The following AURKB variants were observed in gnomAD, a reference collection of about 807,000 sequenced individuals.
The protein encoded by AURKB is aurora kinase B.
Under a neutral mutation model 36.5 loss-of-function variants are expected in AURKB, and 28 were observed. The observed-to-expected ratio is 0.77, with a 90% confidence interval of 0.57 to 1.05. The LOEUF (loss-of-function observed/expected upper bound fraction) is 1.05. Ranked by LOEUF, AURKB falls within the 50% of genes least tolerant of loss-of-function variation. The probability of loss-of-function intolerance (pLI) is 0.00; values close to 1 mark genes in which losing one functional copy is unlikely to be tolerated. For missense variants in AURKB, 383 were observed against 447.4 expected (o/e 0.86, Z 1.30); for synonymous variants, 175 against 172.9 (o/e 1.01, Z -0.09).
intron 2 of AURKB, among the ~76,000 whole-genome samples, chr17:8,208,407 A>G (rs1985654993): frequency 6.7e-6 from 1 of 150,272 alleles, no homozygotes; most frequent in East Asian, 1.9e-4. Flanking sequence ...CCTGGGCAAC[A>G]GAGCTAGACT....
rs764673583 is a variant in AURKB at position 8,205,411 on chromosome 17, G to C, written c.687-21C>G. On this transcript the variant is annotated intron_variant, in intron 7 of 8. Transcript: ENST00000585124. ...TCCTCCTGGGAGGGATAAGGGGCGT[G>C]GGCAGGGGTCCTAGTGACATAGGAA... 2.1e-5 allele frequency: 34 copies of C among 1,612,048 alleles called. No homozygotes were observed. The African/African-American group carries it at 4.3e-4, about 20-fold the overall frequency.
At position 8,210,243 on chromosome 17, in the gene AURKB, A is replaced by G. The variant is rs45524038; in HGVS notation, c.-19T>C. 1 of 1,590,258 alleles carries G rather than the reference A, an allele frequency of 6.3e-7. No individual in the cohort carries two copies. Among genetic ancestry groups the G allele is most frequent in the South Asian group, 1.1e-5 (1 of 88,182 alleles). On this transcript the variant is annotated 5_prime_UTR_variant, in exon 2 of 9. Transcript: ENST00000585124. ...GGGCCATCCTTAGAGAGAAAGGGGG[A>G]GGAGAGCTGGGCGGAGAAGGGAAAC...
At chr17:8,209,227 G>A (rs891248365) in intron 2 of AURKB, among the ~76,000 whole-genome samples, 5 of 152,218 alleles carry the variant, frequency 3.3e-5, no homozygotes, top group Non-Finnish European at 5.9e-5. Context: ...TGGCCAGGCT[G>A]GTCTCGAACT....
chr17:8,206,545 T>A lies in AURKB; in HGVS notation c.632A>T (p.Lys211Met). ...IKPENLLLGL[K>M]GELKIADFGW... Reference sequence around the variant, plus strand: ...GAAGTCAGCAATCTTCAGCTCTCCCTTGAGCCCTAAGAGCAGATTTTCTGG... The same window carrying A: ...GAAGTCAGCAATCTTCAGCTCTCCCATGAGCCCTAAGAGCAGATTTTCTGG... Residue 211 changes from lysine (K) to methionine (M), a missense_variant, in exon 7 of 9, where the codon AAG becomes ATG. Coordinates refer to ENST00000585124, the MANE Select transcript of AURKB (RefSeq NM_004217.4). This position sits in a 1 kb window ranked among gnomAD's most constrained non-coding sequence, Gnocchi z 4.2. The A allele has an allele frequency of 6.2e-7, 1 of 1,614,198 alleles. No individual in the cohort carries two copies. The highest frequency in any genetic ancestry group is 8.5e-7 in the Non-Finnish European group (1 of 1,180,026).
At chr17:8,209,930 G>T (rs935591353) in intron 2 of AURKB, 2 of 578,556 alleles carry the variant, frequency 3.5e-6, no homozygotes, top group African/African-American at 1.9e-5. Flanking sequence ...ATTTGTATGT[G>T]ACGAGCCCTG....
At chr17:8,205,945 TTCA>T (rs1015047106) in intron 7 of AURKB, among the ~76,000 whole-genome samples, 19 of 152,016 alleles carry the variant, frequency 1.2e-4, no homozygotes, top group African/African-American at 4.3e-4. Context: ...AAGATGGGGT[TTCA>T]TCATGTTGGC....
chr17:8,208,643 C>T (rs552218381), intron 2 of AURKB, among the ~76,000 whole-genome samples: 1 of 137,236 alleles, frequency 7.3e-6, no homozygotes, highest in South Asian at 2.3e-4. Flanking sequence ...AAATAAATAA[C>T]CTAAGTAGGC....
At chr17:8,207,654 G>A (rs200713908) in intron 3 of AURKB, 29 bp from the exon 4 acceptor site, 22 of 1,613,694 alleles carry the variant, frequency 1.4e-5, no homozygotes, top group African/African-American at 2.7e-5. Context: ...GGTTGAATGC[G>A]AACAGGGATG....
chr17:8,208,097 A>C, intron 2 of AURKB: 10 of 321,656 alleles, frequency 3.1e-5, no homozygotes, highest in Middle Eastern at 8.7e-4. Flanking sequence ...CCTGGCCAAC[A>C]TGGTGAAACG....
In AURKB at chr17:8,204,872, C is replaced by T. The variant is rs373117717; in HGVS notation, c.1034G>A (p.Ter345=). 3.7e-6 allele frequency: 6 copies of T among 1,611,842 alleles called. No homozygotes were observed. Among genetic ancestry groups the T allele is most frequent in the Non-Finnish European group, 5.1e-6 (6 of 1,179,442 alleles). ...CACCCGAGTGAATGACAGGGACCAT[C>T]AGGCGACAGATTGAAGGGCAGAGGG... is the stretch of plus-strand genomic sequence containing the variant. ...LPPSALQSVA[*] is the part of the protein sequence containing the mutation. The change falls in exon 9 of 9, where the codon TGA becomes TAA. Residue 345 remains the stop codon, a stop_retained_variant. Transcript: ENST00000585124.
intron 3 of AURKB, 26 bp downstream of exon 3, chr17:8,207,712 A>G (rs758751698): frequency 6.2e-7 from 1 of 1,613,836 alleles, no homozygotes; most frequent in Non-Finnish European, 8.5e-7. Context: ...TCCCCAGCTC[A>G]GTCCTCTCCC....
intron 5 of AURKB, 105 bp downstream of exon 5, chr17:8,207,071 A>C: frequency 6.9e-7 from 1 of 1,454,128 alleles, no homozygotes; most frequent in Non-Finnish European, 9.3e-7. Context: ...AATGGGGCTC[A>C]CTAGCCATAG....
rs887894166 is a variant in AURKB at position 8,206,315 on chromosome 17, G to A, written c.686+176C>T. Among the ~76,000 whole-genome samples, 1 of 151,874 alleles carries A rather than the reference G, an allele frequency of 6.6e-6. No individual in the cohort carries two copies. The highest frequency in any genetic ancestry group is 1.5e-5 in the Non-Finnish European group (1 of 67,968). Reference sequence around the variant, plus strand: ...CCGGCTAATTTTTGTATATTTAGTAGAGACAAGGTTTCATCATGTTGGCAA... The same window carrying A: ...CCGGCTAATTTTTGTATATTTAGTAAAGACAAGGTTTCATCATGTTGGCAA... On this transcript the variant is annotated intron_variant, in intron 7 of 8. Coordinates refer to ENST00000585124, the MANE Select transcript of AURKB (RefSeq NM_004217.4). This position sits in a 1 kb window ranked among gnomAD's most constrained non-coding sequence, Gnocchi z 4.2.
intron 5 of AURKB, 25 bp downstream of exon 5, chr17:8,207,151 C>T (rs754932503): frequency 6.3e-6 from 10 of 1,598,456 alleles, no homozygotes; most frequent in East Asian, 4.5e-5. Context: ...AGAGGGGCTT[C>T]GGCTCAGGGG....
At chr17:8,210,373 C>T (rs1985944241) in intron 1 of AURKB, 124 bp from the exon 2 acceptor site, 1 of 715,648 alleles carries the variant, frequency 1.4e-6, no homozygotes, top group Middle Eastern at 3.5e-4. Flanking sequence ...GCACACTAGC[C>T]CCAATCTGGG....
Position 8,207,843 on chromosome 17 carries a change from G to A in AURKB, c.49-3C>T. On this transcript the variant is annotated splice_polypyrimidine_tract_variant and splice_region_variant and intron_variant, in intron 2 of 8. Transcript: ENST00000585124. ...AGGGTGCTCAGGCCAGATGGAGCCT[G>A]AGAAGGAGCAGGGGGTAGCTCTGAG... 6.2e-7 allele frequency: 1 copy of A among 1,610,362 alleles called. No individual in the cohort carries two copies. Among genetic ancestry groups the A allele is most frequent in the Non-Finnish European group, 8.5e-7 (1 of 1,178,298 alleles).
chr17:8,206,244 C>T lies in AURKB; in HGVS notation c.686+247G>A, dbSNP rs1334276968. Among the ~76,000 whole-genome samples the T allele has an allele frequency of 6.6e-6, 1 of 151,696 alleles. No individual in the cohort carries two copies. Among genetic ancestry groups the T allele is most frequent in the African/African-American group, 2.4e-5 (1 of 41,280 alleles). On this transcript the variant is annotated intron_variant, in intron 7 of 8. Coordinates refer to ENST00000585124, the MANE Select transcript of AURKB (RefSeq NM_004217.4). The surrounding 1 kb of genome is among the most constrained non-coding windows in gnomAD (Gnocchi z 4.2). ...CTCCCAGGTTCAAACAATTCTCCTGCCTCAGCCTCCCCAGTAGCTGGGATT... is the reference window on the plus strand; with the variant it reads ...CTCCCAGGTTCAAACAATTCTCCTGTCTCAGCCTCCCCAGTAGCTGGGATT...
At position 8,204,936 on chromosome 17, in the gene AURKB, G is replaced by A; in HGVS notation, c.970C>T (p.His324Tyr). 6.2e-7 allele frequency: 1 copy of A among 1,608,638 alleles called. No homozygotes were observed. Among genetic ancestry groups the A allele is most frequent in the Non-Finnish European group, 8.5e-7 (1 of 1,178,786 alleles). The change falls in exon 9 of 9, where the codon CAC becomes TAC. Residue 324 changes from histidine (H) to tyrosine (Y), a missense_variant. Transcript: ENST00000585124. ...ERLPLAQVSA[H>Y]PWVRANSRRV... is the part of the protein sequence containing the mutation. ...CGAGAGTTGGCCCGGACCCAAGGGT[G>A]GGCTGAGACCTGGGCCAGGGGCAGC...
At position 8,206,735 on chromosome 17, in the gene AURKB, C is replaced by T. The variant is rs1395251352; in HGVS notation, c.537+15G>A. ...GAGCCCCCTACTGGCGCCCCAGGTG[C>T]CCACCCGCCCGGACCGTGGCTGTTC... On this transcript the variant is annotated intron_variant, in intron 6 of 8. Coordinates refer to ENST00000585124, the MANE Select transcript of AURKB (RefSeq NM_004217.4). The surrounding 1 kb of genome is among the most constrained non-coding windows in gnomAD (Gnocchi z 4.2). The T allele has an allele frequency of 1.2e-6, 2 of 1,612,426 alleles. No homozygotes were observed. The highest frequency in any genetic ancestry group is 1.3e-5 in the African/African-American group (1 of 74,900).
Sources: gnomAD v4.1 joint callset for allele counts (sites outside exome capture counted in the v4.1 genomes callset) on GRCh38, gnomAD v4.1.1 for gene constraint, Gnocchi (gnomAD v3.1) non-coding constraint, MANE v1.5 for transcripts, NCBI Gene and HGNC (gene_info 2026-07-23, HGNC 2026-07-21) for gene names.